Variants in MRPS25 observed in about 807,000 individuals in gnomAD.
The protein encoded by MRPS25 is small ribosomal subunit protein mS25.
MRPS25 carries 15 observed loss-of-function variants against 17.3 expected under a neutral mutation model. The observed-to-expected ratio is 0.87, with a 90% CI of 0.58 to 1.34. The LOEUF is 1.34. Ranked by LOEUF, MRPS25 falls within the 40% of genes most tolerant of loss-of-function variation. The pLI is 0.00. For synonymous variants in MRPS25, 94 were observed against 83.3 expected, an observed-to-expected ratio of 1.13 and a Z score of -0.70; for missense variants, 225 against 218.6, an observed-to-expected ratio of 1.03 and a Z score of -0.19.
At chr3:15,055,392 C>A (rs1256595282) in intron 2 of MRPS25, among the ~76,000 whole-genome samples, 2 of 152,148 alleles carry the variant, frequency 1.3e-5, no homozygotes, top group African/African-American at 4.8e-5. Context: ...CAATGAGTCA[C>A]TAGGAAAATG....
Position 15,050,795 on chromosome 3 carries a change from C to G in MRPS25, c.*1646G>C. On this transcript the variant is annotated 3_prime_UTR_variant, in exon 4 of 4. Coordinates refer to ENST00000253686, the MANE Select transcript of MRPS25 (RefSeq NM_022497.5). ...CCTCCCACCCCCGACAAGCCATCACCCCAAACCCAGATCTGGTACAGAATC... is the reference window on the plus strand; with the variant it reads ...CCTCCCACCCCCGACAAGCCATCACGCCAAACCCAGATCTGGTACAGAATC... 2.0e-6 allele frequency: 2 copies of G among 985,438 alleles called. No homozygotes were observed. The highest frequency in any genetic ancestry group is 2.4e-6 in the Non-Finnish European group (2 of 829,938). The allele number at this position is 985,438 out of a possible 1,614,324, so 61.0% of individuals were successfully genotyped here. A position where few individuals can be genotyped will look rare whatever the true frequency, so the allele number is the denominator to read the frequency against.
At position 15,065,243 on chromosome 3, in the gene MRPS25, G is replaced by T. The variant is rs1488030373; in HGVS notation, c.-49C>A. The T allele has an allele frequency of 6.5e-7, 1 of 1,540,268 alleles. No individual in the cohort carries two copies. The highest frequency in any genetic ancestry group is 8.7e-7 in the Non-Finnish European group (1 of 1,144,688). ...CCCCACGGGCCGCGAGCCGAGCAGC[G>T]ACGAGAAAGGACTAGCTAGCACCCG... On this transcript the variant is annotated 5_prime_UTR_variant, in exon 1 of 4. Coordinates refer to ENST00000253686, the MANE Select transcript of MRPS25 (RefSeq NM_022497.5).
rs2125129571 is a variant in MRPS25, at chr3:15,049,370, G to A, written c.*3071C>T. The A allele has an allele frequency of 6.4e-6, 1 of 155,094 alleles. No homozygotes were observed. Among genetic ancestry groups the A allele is most frequent in the East Asian group, 1.9e-4 (1 of 5,212 alleles). The allele number at this position is 155,094 out of a possible 1,614,324, so 9.6% of individuals were successfully genotyped here. A position where few individuals can be genotyped will look rare whatever the true frequency, so the allele number is the denominator to read the frequency against. On this transcript the variant is annotated 3_prime_UTR_variant, in exon 4 of 4. Coordinates refer to ENST00000253686, the MANE Select transcript of MRPS25 (RefSeq NM_022497.5). ...TGTGTTATGGACATGAAGCATCCTG[G>A]TGGTCCTGTCTCTACAGCTCTCTGG...
At position 15,052,395 on chromosome 3, in the gene MRPS25, C is replaced by A. The variant is rs1559326609; in HGVS notation, c.*46G>T. The A allele has an allele frequency of 4.4e-6, 7 of 1,578,234 alleles. No homozygotes were observed. The Admixed American group carries it at 8.9e-5, about 20-fold the overall frequency. The stretch of plus-strand genomic sequence containing the variant: ...GCCAAAGTAATCCCATTCCAATCTC[C>A]CCACTGGTCAGACACCATCACCCCA... On this transcript the variant is annotated 3_prime_UTR_variant, in exon 4 of 4. Coordinates refer to ENST00000253686, the MANE Select transcript of MRPS25 (RefSeq NM_022497.5).
chr3:15,061,360 C>T (rs1190651234), intron 1 of MRPS25, among the ~76,000 whole-genome samples: 3 of 152,160 alleles, frequency 2.0e-5, no homozygotes, highest in African/African-American at 4.8e-5. Flanking sequence ...CGATTGCAGG[C>T]GCGCGCTGCC....
Position 15,050,442 on chromosome 3 carries a change from G to C in MRPS25, c.*1999C>G, listed in dbSNP as rs79399840. 3.5e-3 allele frequency: 3,462 copies of C among 996,892 alleles called. 109 individuals carry two copies. In the African/African-American group the frequency reaches 0.054, roughly 16 times the overall value. 61.8% of individuals were successfully genotyped at this position (996,892 alleles called of 1,614,324 possible). A position where few individuals can be genotyped will look rare whatever the true frequency, so the allele number is the denominator to read the frequency against. On this transcript the variant is annotated 3_prime_UTR_variant, in exon 4 of 4. Transcript: ENST00000253686. The stretch of plus-strand genomic sequence containing the variant: ...AGCCTCTTTGGGCCCTAGAGGGAAG[G>C]AATACTCTCATAAGGCTTTGTGTGT...
In MRPS25 at chr3:15,052,102, G is replaced by A. The variant is rs758368421; in HGVS notation, c.*339C>T. 3.8e-6 allele frequency: 4 copies of A among 1,043,384 alleles called. No individual in the cohort carries two copies. The highest frequency in any genetic ancestry group is 1.7e-5 in the African/African-American group (1 of 59,418). 64.6% of individuals were successfully genotyped at this position (1,043,384 alleles called of 1,614,324 possible). A position where few individuals can be genotyped will look rare whatever the true frequency, so the allele number is the denominator to read the frequency against. ...AGCCAGCGGAGACCAGTAAAGGGTC[G>A]CAGGACCAAAACAGGTGTCAACAGG... On this transcript the variant is annotated 3_prime_UTR_variant, in exon 4 of 4. Transcript: ENST00000253686.
intron 2 of MRPS25, 75 bp downstream of exon 2, chr3:15,059,294 G>A (rs13068576): frequency 0.17 from 177,070 of 1,020,154 alleles, 16,475 homozygotes; most frequent in Non-Finnish European, 0.2. Context: ...TCATCCTGAC[G>A]CTCCCATAGG....
intron 1 of MRPS25, among the ~76,000 whole-genome samples, chr3:15,062,169 C>T (rs1315098556): frequency 6.4e-4 from 1 of 1,552 alleles, no homozygotes; most frequent in African/African-American, 2.1e-3. Flanking sequence ...CCAGCCGCCC[C>T]GTACTGGGAG....
At chr3:15,055,879 G>T (rs541193956) in intron 2 of MRPS25, among the ~76,000 whole-genome samples, 46 of 146,522 alleles carry the variant, frequency 3.1e-4, no homozygotes, top group African/African-American at 1.1e-3. Context: ...AACACATAAA[G>T]AACTCGACAA....
downstream of MRPS25, chr3:15,042,930 G>A (rs1206202745): frequency 4.3e-6 from 7 of 1,613,956 alleles, no homozygotes; most frequent in Admixed American, 1.7e-5. Flanking sequence ...GCAATGTTTC[G>A]ATAGACAGCA....
intron 2 of MRPS25, among the ~76,000 whole-genome samples, chr3:15,058,782 G>A (rs2125135583): frequency 6.6e-6 from 1 of 152,312 alleles, no homozygotes; most frequent in East Asian, 1.9e-4. Context: ...CAGGATCAAA[G>A]TGTCTGAGAG....
chr3:15,045,357 T>TA (rs2042412910), downstream of MRPS25: 1 of 152,654 alleles, frequency 6.6e-6, no homozygotes, highest in South Asian at 2.1e-4. Flanking sequence ...GTAGGCTGCT[T>TA]AGACTCAGGC....
In MRPS25 at chr3:15,051,004, A is replaced by G; in HGVS notation, c.*1437T>C. 2 of 984,434 alleles carry G rather than the reference A, an allele frequency of 2.0e-6. No individual in the cohort carries two copies. The highest frequency in any genetic ancestry group is 2.4e-6 in the Non-Finnish European group (2 of 829,102). 61.0% of individuals were successfully genotyped at this position (984,434 alleles called of 1,614,324 possible). On this transcript the variant is annotated 3_prime_UTR_variant, in exon 4 of 4. Coordinates refer to ENST00000253686, the MANE Select transcript of MRPS25 (RefSeq NM_022497.5). Reference sequence around the variant, plus strand: ...GTTACAGACCTGGAAAGCTTTTAGGACTTGACCAAGGCCCCAGCAGGTAGA... The same window carrying G: ...GTTACAGACCTGGAAAGCTTTTAGGGCTTGACCAAGGCCCCAGCAGGTAGA...
intron 2 of MRPS25, among the ~76,000 whole-genome samples, chr3:15,054,512 A>C (rs2042645302): frequency 6.6e-6 from 1 of 152,216 alleles, no homozygotes; most frequent in Non-Finnish European, 1.5e-5. Context: ...ACTGCACTCT[A>C]GCCTGGGCAA....
rs2042571793 is a variant in MRPS25 at position 15,049,607 on chromosome 3, C to T, written c.*2834G>A. ...CATTCAGATGCCATTACAGACAGGC[C>T]TTAAATTGGCAAGCTTATTCTCTAA... On this transcript the variant is annotated 3_prime_UTR_variant, in exon 4 of 4. Coordinates refer to ENST00000253686, the MANE Select transcript of MRPS25 (RefSeq NM_022497.5). The T allele has an allele frequency of 2.1e-6, 1 of 470,762 alleles. No individual in the cohort carries two copies. Among genetic ancestry groups the T allele is most frequent in the Non-Finnish European group, 3.7e-6 (1 of 270,078 alleles). The allele number at this position is 470,762 out of a possible 1,614,324, so 29.2% of individuals were successfully genotyped here.
intron 1 of MRPS25, among the ~76,000 whole-genome samples, chr3:15,062,517 A>G (rs1264518480): frequency 2.0e-5 from 3 of 149,206 alleles, no homozygotes; most frequent in Non-Finnish European, 4.5e-5. Flanking sequence ...GGCCGCCCCT[A>G]CTGGGAAGTG....
chr3:15,061,272 G>C (rs2042751867), intron 1 of MRPS25, among the ~76,000 whole-genome samples: 1 of 152,172 alleles, frequency 6.6e-6, no homozygotes, highest in African/African-American at 2.4e-5. Flanking sequence ...CCGAGCCGAA[G>C]CTGGACTGTA....
chr3:15,064,929 G>GT (rs1439234353), intron 1 of MRPS25, 132 bp downstream of exon 1: 3 of 1,173,752 alleles, frequency 2.6e-6, no homozygotes, highest in African/African-American at 3.1e-5. Context: ...TAAAATGGGG[G>GT]TAACAGCGCC....
Sources: gnomAD v4.1 joint callset for allele counts (sites outside exome capture counted in the v4.1 genomes callset) on GRCh38, gnomAD v4.1.1 for gene constraint, MANE v1.5 for transcripts, NCBI Gene and HGNC (gene_info 2026-07-23, HGNC 2026-07-21) for gene names.